The following CSPG4 variants were observed in gnomAD, a reference collection of about 807,000 sequenced individuals.
CSPG4 encodes the protein chondroitin sulfate proteoglycan 4, also known as chondroitin sulfate proteoglycan 4 (melanoma-associated).
CSPG4 carries 74 observed loss-of-function variants against 139.3 expected under a neutral mutation model. The observed-to-expected ratio is 0.53, with a 90% CI of 0.44 to 0.64. The LOEUF is 0.64. CSPG4 is among the 30% of genes least tolerant of loss of function. The pLI is 0.00. For synonymous variants in CSPG4, 1,234 were observed against 1,394.2 expected, an observed-to-expected ratio of 0.89 and a Z score of 2.56; for missense variants, 2,565 against 3,148.3, an observed-to-expected ratio of 0.81 and a Z score of 4.43.
chr15:75,694,941 G>C (rs534412070), intron 1 of CSPG4, among the ~76,000 whole-genome samples: 5 of 152,254 alleles, frequency 3.3e-5, no homozygotes, highest in Admixed American at 6.5e-5. Flanking sequence ...TAGCACAAGG[G>C]GTGGGGGCAC....
chr15:75,703,633 CTT>C (rs1290024215), intron 1 of CSPG4, among the ~76,000 whole-genome samples: 1 of 151,618 alleles, frequency 6.6e-6, no homozygotes, highest in Non-Finnish European at 1.5e-5. Flanking sequence ...CAAGGGCTGT[CTT>C]GGGCACGGCC....
chr15:75,699,759 T>C (rs116683357), intron 1 of CSPG4, among the ~76,000 whole-genome samples: 3,225 of 150,608 alleles, frequency 0.021, 118 homozygotes, highest in African/African-American at 0.076. Context: ...TTTGTGGAAG[T>C]CTTGCTGCTC....
At chr15:75,695,648 C>T (rs1894216370) in intron 1 of CSPG4, among the ~76,000 whole-genome samples, 1 of 152,132 alleles carries the variant, frequency 6.6e-6, no homozygotes, top group African/African-American at 2.4e-5. Flanking sequence ...ACTCAGAATC[C>T]CTGTCTTGGA....
At chr15:75,678,839 G>GT (rs1893929890) in intron 8 of CSPG4, 1 of 455,504 alleles carries the variant, frequency 2.2e-6, no homozygotes, top group Non-Finnish European at 4.4e-6. Context: ...AGGCCTCCGT[G>GT]TTGTTGGATC....
chr15:75,696,821 T>C lies in CSPG4; in HGVS notation c.89-3588A>G, dbSNP rs1226415573. ...GGGGGCACAGAAAAAGCCTGTTTCC[T>C]TCCCTGCCAAGTCCCTTCTCAGGGG... On this transcript the variant is annotated intron_variant, in intron 1 of 9. Coordinates refer to ENST00000308508, the MANE Select transcript of CSPG4 (RefSeq NM_001897.5). This position sits in a 1 kb window ranked among gnomAD's most constrained non-coding sequence, Gnocchi z 4.2. Among the ~76,000 whole-genome samples the C allele has an allele frequency of 6.6e-6, 1 of 152,140 alleles. No homozygotes were observed. The highest frequency in any genetic ancestry group is 1.5e-5 in the Non-Finnish European group (1 of 68,004).
At position 75,676,101 on chromosome 15, in the gene CSPG4, C is replaced by T; in HGVS notation, c.6418G>A (p.Asp2140Asn). The change falls in exon 10 of 10, where the codon GAC becomes AAC. Residue 2140 changes from aspartate to asparagine, a missense_variant. Physicochemically the swap from Asp to Asn is conservative, Grantham distance 23. This residue lies in a region of CSPG4 where 2,316 missense variants were observed against 2,818.2 expected (regional missense o/e 0.82). Transcript: ENST00000308508. ...GCCCACAGCTCCAGAGTGAGACTGT[C>T]ACCTGCGGGGCCGGGGGCCCTCCCC... ...PEGRAPGPAGDSLTLELWAQG... is the reference protein window; with the variant it reads ...PEGRAPGPAGNSLTLELWAQG... The T allele has an allele frequency of 6.5e-7, 1 of 1,534,726 alleles. No homozygotes were observed. Among genetic ancestry groups the T allele is most frequent in the Non-Finnish European group, 8.7e-7 (1 of 1,144,476 alleles).
At chr15:75,683,510 C>T (rs1894008743) in intron 5 of CSPG4, among the ~76,000 whole-genome samples, 1 of 152,216 alleles carries the variant, frequency 6.6e-6, no homozygotes, top group Non-Finnish European at 1.5e-5. Flanking sequence ...CTCCTTCCAG[C>T]TGAGGGAGGG....
At chr15:75,695,171 A>AG (rs1022379912) in intron 1 of CSPG4, among the ~76,000 whole-genome samples, 2 of 151,996 alleles carry the variant, frequency 1.3e-5, no homozygotes, top group African/African-American at 4.8e-5. Context: ...CCCACAGAGA[A>AG]GGGGGCACAT....
intron 3 of CSPG4, among the ~76,000 whole-genome samples, chr15:75,686,062 A>AT (rs1380494974): frequency 6.6e-6 from 1 of 152,082 alleles, no homozygotes; most frequent in African/African-American, 2.4e-5. Context: ...TAATTTTTAA[A>AT]TTTTTTGTGT....
Position 75,706,779 on chromosome 15 carries a change from C to A in CSPG4, c.88+5889G>T, listed in dbSNP as rs57613948. Among the ~76,000 whole-genome samples the A allele has an allele frequency of 7.5e-3, 1,134 of 152,092 alleles. 14 individuals carry two copies. The highest frequency in any genetic ancestry group is 0.026 in the African/African-American group (1,061 of 41,466). On this transcript the variant is annotated intron_variant, in intron 1 of 9. Transcript: ENST00000308508. The stretch of plus-strand genomic sequence containing the variant: ...CCTAGTTCTATCTGATCAGCCAGTC[C>A]GTGGGACACAGGATCACCTTGACCA...
At position 75,682,665 on chromosome 15, in the gene CSPG4, C is replaced by G; in HGVS notation, c.4725G>C (p.Thr1575=). ...HTSPGHFFRV[T]AQKQVLLSLK... is the part of the protein sequence containing the mutation. ...GCGAGAGGAGCACTTGCTTCTGGGC[C>G]GTCACTCGGAAGAAGTGTCCGGGGG... Residue 1575 remains threonine (T), a synonymous_variant, in exon 7 of 10, where the codon ACG becomes ACC. Coordinates refer to ENST00000308508, the MANE Select transcript of CSPG4 (RefSeq NM_001897.5). 6.2e-7 allele frequency: 1 copy of G among 1,613,084 alleles called. No homozygotes were observed.
upstream of CSPG4, chr15:75,712,865 TC>T: frequency 1.1e-6 from 1 of 893,978 alleles, no homozygotes; most frequent in East Asian, 3.2e-5. Context: ...GCTCCGGGTG[TC>T]CGCGCACTTA....
At position 75,689,261 on chromosome 15, in the gene CSPG4, G is replaced by C. The variant is rs1313434197; in HGVS notation, c.1804C>G (p.Pro602Ala). The change falls in exon 3 of 10, where the codon CCC (proline) becomes GCC (alanine). Residue 602 changes from proline (P) to alanine (A), a missense_variant. Transcript: ENST00000308508. ...FQVLGTSSGL[P>A]VERRDQPGEP... Reference sequence around the variant, plus strand: ...CCAGGCTGGTCTCGGCGCTCCACGGGGAGGCCAGAGGAGGTGCCAAGGACC... The same window carrying C: ...CCAGGCTGGTCTCGGCGCTCCACGGCGAGGCCAGAGGAGGTGCCAAGGACC... 1.2e-6 allele frequency: 2 copies of C among 1,610,652 alleles called. No homozygotes were observed. The highest frequency in any genetic ancestry group is 2.2e-5 in the South Asian group (2 of 90,992).
Position 75,687,661 on chromosome 15 carries a change from A to G in CSPG4, c.3404T>C (p.Leu1135Pro), listed in dbSNP as rs1456454573. ...GCCCTGGCCTCCTTGAGGGACCACA[A>G]GGCTGGAGCCGTTGGCCACACGGAG... ...PYLRVANGSS[L>P]VVPQGGQGTI... The change falls in exon 3 of 10, where the codon CTT becomes CCT. Residue 1135 changes from leucine to proline, a missense_variant. Around this residue, in one of 5 missense-constraint regions of CSPG4, gnomAD observed 2,316 missense variants for 2,818.2 expected, o/e 0.82. Transcript: ENST00000308508. This position sits in a 1 kb window ranked among gnomAD's most constrained non-coding sequence, Gnocchi z 5.4. The G allele has an allele frequency of 3.7e-6, 6 of 1,612,766 alleles. No homozygotes were observed. The highest frequency in any genetic ancestry group is 1.7e-5 in the Admixed American group (1 of 60,000).
At chr15:75,686,270 T>C (rs1198176401) in intron 3 of CSPG4, among the ~76,000 whole-genome samples, 1 of 152,052 alleles carries the variant, frequency 6.6e-6, no homozygotes. Context: ...CACATGCGTG[T>C]GTGCACACAC....
rs748246620 is a variant in CSPG4 at position 75,693,122 on chromosome 15, G to A, written c.200C>T (p.Ala67Val). The change falls in exon 2 of 10, where the codon GCA (alanine) becomes GTA (valine). Residue 67 changes from alanine to valine, a missense_variant. This residue lies in a region of CSPG4 where 30 missense variants were observed against 60.1 expected (regional missense o/e 0.50). Coordinates refer to ENST00000308508, the MANE Select transcript of CSPG4 (RefSeq NM_001897.5). ...CAGGAGGTGGTCAGCTGGGCCTGCT[G>A]CCAGGAGAAGGAGGGCTTCGGGCTG... ...TSQPEALLLLAAGPADHLLLQ... is the reference protein window; with the variant it reads ...TSQPEALLLLVAGPADHLLLQ... 1 of 1,562,088 alleles carries A rather than the reference G, an allele frequency of 6.4e-7. No individual in the cohort carries two copies. The highest frequency in any genetic ancestry group is 2.3e-5 in the East Asian group (1 of 43,124).
intron 1 of CSPG4, among the ~76,000 whole-genome samples, chr15:75,705,801 GCTC>G (rs1285431626): frequency 6.6e-6 from 1 of 152,194 alleles, no homozygotes; most frequent in Non-Finnish European, 1.5e-5. Context: ...AGGGTGATTT[GCTC>G]CTCCTTGACC....
chr15:75,677,293 GCGCTGGGGTGATGGAA>G lies in CSPG4; in HGVS notation c.5210_5225del (p.Val1737AlafsTer43). The G allele has an allele frequency of 6.8e-7, 1 of 1,462,258 alleles. No individual in the cohort carries two copies. The highest frequency in any genetic ancestry group is 9.1e-7 in the Non-Finnish European group (1 of 1,103,148). The allele number at this position is 1,462,258 out of a possible 1,614,324, so 90.6% of individuals were successfully genotyped here. A position where few individuals can be genotyped will look rare whatever the true frequency, so the allele number is the denominator to read the frequency against. On this transcript the variant is annotated frameshift_variant, in exon 10 of 10. Transcript: ENST00000308508. LOFTEE classifies it low-confidence loss of function (END_TRUNC). The stretch of plus-strand genomic sequence containing the variant: ...CCTGGAAGAGCACATCATGCTCTGA[GCGCTGGGGTGATGGAA>G]CGCTGGCCAAGAGATTGGAGGCATC...
chr15:75,698,815 C>T lies in CSPG4; in HGVS notation c.89-5582G>A, dbSNP rs1346037936. On this transcript the variant is annotated intron_variant, in intron 1 of 9. Transcript: ENST00000308508. The surrounding 1 kb of genome is among the most constrained non-coding windows in gnomAD (Gnocchi z 4.3). ...GCCACCCACACTGAGCTATCACCTT[C>T]ACCCAACCCTGTTACTCTGAGGGTA... Among the ~76,000 whole-genome samples, 3 of 152,208 alleles carry T rather than the reference C, an allele frequency of 2.0e-5. No homozygotes were observed. Among genetic ancestry groups the T allele is most frequent in the Admixed American group, 6.5e-5 (1 of 15,284 alleles).
Sources: gnomAD v4.1 joint callset for allele counts (sites outside exome capture counted in the v4.1 genomes callset) on GRCh38, gnomAD v4.1.1 for gene constraint, gnomAD v4.1.1 regional missense constraint, Gnocchi (gnomAD v3.1) non-coding constraint, MANE v1.5 for transcripts, NCBI Gene and HGNC (gene_info 2026-07-23, HGNC 2026-07-21) for gene names.